SND1: variants seen among roughly 807,000 people sequenced by gnomAD.
SND1 encodes staphylococcal nuclease and tudor domain containing 1.
SND1 carries 38 observed loss-of-function variants against 121.7 expected under a neutral mutation model. The ratio of observed to expected loss-of-function variants is 0.31; its 90% CI spans 0.24 to 0.41. The LOEUF is 0.41. Ranked by LOEUF, SND1 falls within the 10% of genes least tolerant of loss-of-function variation. The probability of loss-of-function intolerance (pLI) is 1.00; values close to 1 mark genes in which losing one functional copy is unlikely to be tolerated. For synonymous variants in SND1, 401 were observed against 447.4 expected (o/e 0.90, Z 1.31); for missense variants, 868 against 1,184.6 (o/e 0.73, Z 3.92).
intron 12 of SND1, among the ~76,000 whole-genome samples, chr7:127,876,124 CCTT>C (rs1223771309): frequency 6.6e-6 from 1 of 152,132 alleles, no homozygotes; most frequent in Non-Finnish European, 1.5e-5. Context: ...TTGCCCCTCT[CCTT>C]CTCTTTGTCC....
intron 15 of SND1, among the ~76,000 whole-genome samples, chr7:127,969,092 CTGTTCCTT>C (rs1801919354): frequency 6.6e-6 from 1 of 152,196 alleles, no homozygotes; most frequent in Non-Finnish European, 1.5e-5. Flanking sequence ...TACCTAGTAA[CTGTTCCTT>C]TGCCTGGAGT....
chr7:127,713,261 G>A (rs1371922019), intron 9 of SND1, among the ~76,000 whole-genome samples: 1 of 152,228 alleles, frequency 6.6e-6, no homozygotes, highest in Non-Finnish European at 1.5e-5. Flanking sequence ...GATGGCCCTT[G>A]GGCCATAGTT....
At chr7:128,005,581 A>T (rs1163649357) in intron 16 of SND1, among the ~76,000 whole-genome samples, 1 of 152,186 alleles carries the variant, frequency 6.6e-6, no homozygotes, top group East Asian at 1.9e-4. Flanking sequence ...TGAGCTATCC[A>T]TTTCCTACCA....
intron 1 of SND1, among the ~76,000 whole-genome samples, chr7:127,667,099 A>G (rs374484468): frequency 1.3e-5 from 2 of 152,176 alleles, no homozygotes; most frequent in East Asian, 3.8e-4. Flanking sequence ...AAGTGGGGAA[A>G]AGTCATGCTT....
At chr7:128,070,551 A>T (rs1276268238) in intron 16 of SND1, among the ~76,000 whole-genome samples, 1 of 152,198 alleles carries the variant, frequency 6.6e-6, no homozygotes, top group African/African-American at 2.4e-5. Context: ...GATGCCCAAG[A>T]GATGAGTGGC....
intron 16 of SND1, among the ~76,000 whole-genome samples, chr7:128,005,911 T>C (rs1223825805): frequency 6.6e-6 from 1 of 152,156 alleles, no homozygotes; most frequent in African/African-American, 2.4e-5. Flanking sequence ...GACCTTTTTC[T>C]AAAGGACACA....
At chr7:127,734,870 A>G (rs1342037715) in intron 10 of SND1, among the ~76,000 whole-genome samples, 7 of 152,226 alleles carry the variant, frequency 4.6e-5, no homozygotes, top group Non-Finnish European at 1.0e-4. Flanking sequence ...AAATGCACAG[A>G]TGTGATTTAA....
chr7:127,788,565 C>T (rs1036799672), intron 10 of SND1, among the ~76,000 whole-genome samples: 6 of 152,148 alleles, frequency 3.9e-5, no homozygotes, highest in South Asian at 2.1e-4. Flanking sequence ...TTGAAAGATT[C>T]GTGTACATTA....
rs560683119 is a variant in SND1 at position 127,853,141 on chromosome 7, C to T, written c.1343+8717C>T. ...GGAAGCAAGCAAATTATAGACCCCA[C>T]TGAAATTGTCGAGGGAAAGAGGCTC... On this transcript the variant is annotated intron_variant, in intron 12 of 23. Coordinates refer to ENST00000354725, the MANE Select transcript of SND1 (RefSeq NM_014390.4). Among the ~76,000 whole-genome samples the T allele has an allele frequency of 1.1e-4, 16 of 152,222 alleles. 1 individual carries two copies. In the South Asian group the frequency reaches 3.3e-3, roughly 32 times the overall value.
intron 11 of SND1, among the ~76,000 whole-genome samples, chr7:127,839,851 A>G (rs961640679): frequency 2.0e-5 from 3 of 152,130 alleles, no homozygotes; most frequent in Non-Finnish European, 4.4e-5. Context: ...CTAGAGCTTT[A>G]TCACAGTTTT....
chr7:127,779,139 G>A (rs1008465290), intron 10 of SND1, among the ~76,000 whole-genome samples: 3 of 152,128 alleles, frequency 2.0e-5, no homozygotes, highest in African/African-American at 4.8e-5. Flanking sequence ...ACTATGGGGG[G>A]GATTGTTGCA....
Position 127,686,716 on chromosome 7 carries a change from G to T in SND1, c.182G>T (p.Arg61Leu). The stretch of plus-strand genomic sequence containing the variant: ...AACATTCGTGCTGGAAATCTTGCTC[G>T]CCGGGCAGCCGCCACACAACCTGAT... ...LSNIRAGNLA[R>L]RAAATQPDAK... The change falls in exon 2 of 24, where the codon CGC (arginine) becomes CTC (leucine). Residue 61 changes from arginine (R) to leucine (L), a missense_variant. Physicochemically the swap from Arg to Leu is moderately radical, Grantham distance 102. This residue lies in a region of SND1 where 125 missense variants were observed against 113.3 expected (regional missense o/e 1.10). Transcript: ENST00000354725. 6.2e-7 allele frequency: 1 copy of T among 1,614,144 alleles called. No homozygotes were observed. Among genetic ancestry groups the T allele is most frequent in the Non-Finnish European group, 8.5e-7 (1 of 1,180,012 alleles).
chr7:127,867,101 A>G (rs1236062838), intron 12 of SND1, among the ~76,000 whole-genome samples: 1 of 152,116 alleles, frequency 6.6e-6, no homozygotes, highest in Admixed American at 6.6e-5. Flanking sequence ...TTCATAGCCA[A>G]GTTAATTAGA....
chr7:128,072,666 A>C (rs750255284), intron 16 of SND1, among the ~76,000 whole-genome samples: 5 of 151,526 alleles, frequency 3.3e-5, no homozygotes, highest in Non-Finnish European at 5.9e-5. Context: ...CCCCTACCAC[A>C]CTACCCCCGC....
At chr7:127,781,618 G>C (rs1032176075) in intron 10 of SND1, among the ~76,000 whole-genome samples, 1 of 151,974 alleles carries the variant, frequency 6.6e-6, no homozygotes, top group Non-Finnish European at 1.5e-5. Context: ...ATAGAAATCC[G>C]GTTCTGAACC....
chr7:127,656,362 G>A (rs1273034006), intron 1 of SND1, among the ~76,000 whole-genome samples: 9 of 141,198 alleles, frequency 6.4e-5, no homozygotes, highest in Non-Finnish European at 1.1e-4. Flanking sequence ...TCGCTTTGTC[G>A]CCCAGGCTGG....
chr7:127,735,676 G>A (rs1441160768), intron 10 of SND1, among the ~76,000 whole-genome samples: 1 of 152,130 alleles, frequency 6.6e-6, no homozygotes, highest in Non-Finnish European at 1.5e-5. Flanking sequence ...GCCCAGGCTG[G>A]AGTGCAGTGG....
intron 17 of SND1, among the ~76,000 whole-genome samples, chr7:128,080,271 G>C (rs558495687): frequency 7.2e-5 from 11 of 152,222 alleles, no homozygotes; most frequent in Non-Finnish European, 1.3e-4. Flanking sequence ...TGCTCTGACA[G>C]ACCTCACCAT....
chr7:127,766,231 G>T (rs766063580), intron 10 of SND1, among the ~76,000 whole-genome samples: 1 of 152,172 alleles, frequency 6.6e-6, no homozygotes, highest in Non-Finnish European at 1.5e-5. Flanking sequence ...GAACCTGTTG[G>T]TGCCCTGATC....
Sources: gnomAD v4.1 joint callset for allele counts (sites outside exome capture counted in the v4.1 genomes callset) on GRCh38, gnomAD v4.1.1 for gene constraint, gnomAD v4.1.1 regional missense constraint, MANE v1.5 for transcripts, NCBI Gene and HGNC (gene_info 2026-07-23, HGNC 2026-07-21) for gene names.